The following PGBD5 variants were observed in gnomAD, a reference collection of about 807,000 sequenced individuals.
PGBD5 encodes piggyBac transposable element derived 5, also known as piggyBac transposable element-derived protein 5.
A neutral mutation model predicts 47.9 loss-of-function variants in PGBD5; 14 were observed. The ratio of observed to expected loss-of-function variants is 0.29; its 90% CI spans 0.19 to 0.46. PGBD5 has a LOEUF of 0.46. Ranked by LOEUF, PGBD5 falls within the 20% of genes least tolerant of loss-of-function variation. The pLI, the probability that PGBD5 is intolerant of heterozygous loss-of-function variation, is 1.00. For missense variants in PGBD5, 635 were observed against 716.0 expected (o/e 0.89, Z 1.29); for synonymous variants, 316 against 306.3 (o/e 1.03, Z -0.33).
intron 1 of PGBD5, among the ~76,000 whole-genome samples, chr1:230,398,733 C>G (rs909172113): frequency 6.6e-6 from 1 of 152,204 alleles, no homozygotes; most frequent in Non-Finnish European, 1.5e-5. Context: ...AGTGACCCCA[C>G]CCCACAGCTC....
At chr1:230,387,557 G>A (rs904684086) in intron 1 of PGBD5, among the ~76,000 whole-genome samples, 5 of 152,152 alleles carry the variant, frequency 3.3e-5, no homozygotes, top group Admixed American at 2.0e-4. Context: ...AGGCCTGGTG[G>A]GAAAAAAGAG....
rs545117451 is a variant in PGBD5, at chr1:230,319,610, G to A, written c.*3815C>T. The A allele has an allele frequency of 1.3e-5, 2 of 152,236 alleles. No homozygotes were observed. The highest frequency in any genetic ancestry group is 4.2e-4 in the South Asian group (2 of 4,812). 9.4% of individuals were successfully genotyped at this position (152,236 alleles called of 1,614,324 possible). On this transcript the variant is annotated 3_prime_UTR_variant, in exon 7 of 7. Transcript: ENST00000391860. ...GGATGGTGACACACGGGCCACACAG[G>A]AAGGATTCAGAACCTTCCAGGCTCT...
At chr1:230,404,992 T>TA (rs1231613776) in intron 1 of PGBD5, among the ~76,000 whole-genome samples, 3 of 150,500 alleles carry the variant, frequency 2.0e-5, no homozygotes, top group Non-Finnish European at 4.4e-5. Flanking sequence ...TTTTTTTTTT[T>TA]TAAAAAGATA....
At chr1:230,367,591 G>A (rs919052489) in intron 1 of PGBD5, among the ~76,000 whole-genome samples, 8 of 152,142 alleles carry the variant, frequency 5.3e-5, no homozygotes, top group Non-Finnish European at 1.0e-4. Context: ...CCAGCTACTC[G>A]AGAGGCTGAG....
chr1:230,348,944 GTT>G (rs1667520205), intron 3 of PGBD5, among the ~76,000 whole-genome samples: 1 of 152,266 alleles, frequency 6.6e-6, no homozygotes, highest in Admixed American at 6.5e-5. Context: ...TTGACTGGGA[GTT>G]GTCAGCTTCA....
At chr1:230,389,174 CTT>C (rs5781582) in intron 1 of PGBD5, among the ~76,000 whole-genome samples, 119 of 142,602 alleles carry the variant, frequency 8.3e-4, no homozygotes, top group Admixed American at 8.4e-4. Flanking sequence ...CATTTTCTTT[CTT>C]TTTTTTTTTT....
intron 3 of PGBD5, among the ~76,000 whole-genome samples, chr1:230,344,154 G>A (rs140880596): frequency 0.034 from 5,196 of 152,012 alleles, 114 homozygotes; most frequent in East Asian, 0.086. Context: ...GCGTGGTGGC[G>A]GGCACCTGTA....
intron 1 of PGBD5, among the ~76,000 whole-genome samples, chr1:230,372,358 C>T (rs1471994592): frequency 2.0e-5 from 3 of 152,206 alleles, no homozygotes; most frequent in African/African-American, 4.8e-5. Flanking sequence ...AAGCATAACA[C>T]AACCGTTCTT....
rs1247422664 is a variant in PGBD5 at position 230,357,181 on chromosome 1, C to T, written c.472G>A (p.Ala158Thr). The change falls in exon 2 of 7, where the codon GCC (alanine) becomes ACC (threonine). Residue 158 changes from alanine (A) to threonine (T), a missense_variant. Ala to Thr is a moderately conservative substitution (Grantham distance 58). Transcript: ENST00000391860. This position sits in a 1 kb window ranked among gnomAD's most constrained non-coding sequence, Gnocchi z 5.7. ...TCCGTCAGCGTCACCTCCACCCAGG[C>T]TCCGTCGCTCCCAAACCGCTCCTGG... ...KFQERFGSDG[A>T]WVEVTLTEMK... 1 of 1,614,160 alleles carries T rather than the reference C, an allele frequency of 6.2e-7. No individual in the cohort carries two copies. Among genetic ancestry groups the T allele is most frequent in the Admixed American group, 1.7e-5 (1 of 60,024 alleles).
Position 230,357,851 on chromosome 1 carries a change from G to A in PGBD5, c.332-530C>T, listed in dbSNP as rs1013163800. On this transcript the variant is annotated intron_variant, in intron 1 of 6. Transcript: ENST00000391860. This position sits in a 1 kb window ranked among gnomAD's most constrained non-coding sequence, Gnocchi z 5.7. Reference sequence around the variant, plus strand: ...AACATGTAAGTTTTAAAATTAAAATGTGCATATTTATACATATAAATTAAA... The same window carrying A: ...AACATGTAAGTTTTAAAATTAAAATATGCATATTTATACATATAAATTAAA... Among the ~76,000 whole-genome samples the A allele has an allele frequency of 3.3e-5, 5 of 152,072 alleles. No homozygotes were observed. The highest frequency in any genetic ancestry group is 1.2e-4 in the African/African-American group (5 of 41,378).
chr1:230,372,217 C>T (rs1458067959), intron 1 of PGBD5, among the ~76,000 whole-genome samples: 1 of 152,202 alleles, frequency 6.6e-6, no homozygotes, highest in Non-Finnish European at 1.5e-5. Context: ...TCAGCTTTCA[C>T]TTTCCGGCAA....
At chr1:230,373,564 C>T (rs1405442386) in intron 1 of PGBD5, among the ~76,000 whole-genome samples, 1 of 152,146 alleles carries the variant, frequency 6.6e-6, no homozygotes, top group Admixed American at 6.5e-5. Flanking sequence ...CAGTGTTATT[C>T]AGAGCTCAAG....
chr1:230,405,373 A>T (rs2102744882), intron 1 of PGBD5, among the ~76,000 whole-genome samples: 1 of 152,250 alleles, frequency 6.6e-6, no homozygotes, highest in African/African-American at 2.4e-5. Flanking sequence ...AACCTGAAGA[A>T]GGCGTGGATG....
At chr1:230,410,426 C>T (rs1164921339) in intron 1 of PGBD5, among the ~76,000 whole-genome samples, 1 of 152,130 alleles carries the variant, frequency 6.6e-6, no homozygotes, top group South Asian at 2.1e-4. Flanking sequence ...TAAAGATTAA[C>T]TGCATATTTG....
chr1:230,396,867 T>C (rs1656993923), intron 1 of PGBD5, among the ~76,000 whole-genome samples: 1 of 152,094 alleles, frequency 6.6e-6, no homozygotes, highest in African/African-American at 2.4e-5. Flanking sequence ...CCAATGAGTG[T>C]GACAAGCCTG....
rs1212978439 is a variant in PGBD5, at chr1:230,320,222, C to G, written c.*3203G>C. 6.6e-6 allele frequency: 1 copy of G among 152,056 alleles called. No homozygotes were observed. The highest frequency in any genetic ancestry group is 1.9e-4 in the East Asian group (1 of 5,186). The allele number at this position is 152,056 out of a possible 1,614,324, so 9.4% of individuals were successfully genotyped here. ...AGACAATGAAAGTCGAATATGGAACCTGATCAAGTAGGCACCAAACAGAAA... is the reference window on the plus strand; with the variant it reads ...AGACAATGAAAGTCGAATATGGAACGTGATCAAGTAGGCACCAAACAGAAA... On this transcript the variant is annotated 3_prime_UTR_variant, in exon 7 of 7. Transcript: ENST00000391860.
intron 5 of PGBD5, among the ~76,000 whole-genome samples, chr1:230,328,836 A>G (rs1336976328): frequency 1.3e-5 from 2 of 152,056 alleles, no homozygotes; most frequent in Non-Finnish European, 2.9e-5. Context: ...AAATGGGCAG[A>G]CTCCAGGAGG....
At chr1:230,401,333 T>A (rs1005162085) in intron 1 of PGBD5, among the ~76,000 whole-genome samples, 1 of 152,140 alleles carries the variant, frequency 6.6e-6, no homozygotes, top group African/African-American at 2.4e-5. Context: ...CGCATGTGTA[T>A]AACACGGCCT....
intron 1 of PGBD5, among the ~76,000 whole-genome samples, chr1:230,369,095 C>T (rs1013631411): frequency 1.2e-4 from 18 of 152,258 alleles, no homozygotes; most frequent in African/African-American, 4.3e-4. Flanking sequence ...ATGAGAGTCT[C>T]GGGTGAAGCC....
Sources: allele counts gnomAD v4.1 joint callset (sites outside exome capture counted in the v4.1 genomes callset), GRCh38; gene constraint gnomAD v4.1.1; non-coding constraint Gnocchi (gnomAD v3.1); transcripts MANE v1.5; gene names NCBI Gene and HGNC (gene_info 2026-07-23, HGNC 2026-07-21).